ADAD1: variants seen among roughly 807,000 people sequenced by gnomAD.
ADAD1 encodes adenosine deaminase domain-containing protein 1.
In ADAD1, 46 loss-of-function variants were observed where a neutral mutation model predicts 66.8. The observed-to-expected ratio is 0.69, with a 90% CI of 0.54 to 0.88. The LOEUF is 0.88. ADAD1 is among the 40% of genes least tolerant of loss of function. The pLI is 0.00. For missense variants in ADAD1, 617 were observed against 681.8 expected (o/e 0.91, Z 1.06); for synonymous variants, 248 against 229.4 (o/e 1.08, Z -0.73).
chr4:122,417,337 T>TAAAA (rs78147212), intron 11 of ADAD1, among the ~76,000 whole-genome samples: 1 of 94,054 alleles, frequency 1.1e-5, no homozygotes, highest in Non-Finnish European at 2.3e-5. Context: ...CCTCCATCTT[T>TAAAA]AAAAAAAAAA....
At position 122,393,622 on chromosome 4, in the gene ADAD1, T is replaced by TATCTGAACTAGCATATGTTTC; in HGVS notation, c.565_585dup (p.Ser189_Ser195dup). The TATCTGAACTAGCATATGTTTC allele has an allele frequency of 6.2e-7, 1 of 1,603,124 alleles. No individual in the cohort carries two copies. Among genetic ancestry groups the TATCTGAACTAGCATATGTTTC allele is most frequent in the African/African-American group, 1.3e-5 (1 of 74,498 alleles). On this transcript the variant is annotated inframe_insertion, in exon 6 of 13. Coordinates refer to ENST00000296513, the MANE Select transcript of ADAD1 (RefSeq NM_139243.4). ...CCTTTCCCTGCAGAACCTGTTGTTT[T>TATCTGAACTAGCATATGTTTC]ATCTGAACTAGCATATGTTTCAAAA...
rs80340016 is a variant in ADAD1, at chr4:122,406,364, A to G, written c.725-1544A>G. ...TATACCTGTTTGTATGTCTTCTATA[A>G]AAGAAAATGTCTGTTCAGGTTCTGT... On this transcript the variant is annotated intron_variant, in intron 7 of 12. Transcript: ENST00000296513. Among the ~76,000 whole-genome samples, 37 of 152,264 alleles carry G rather than the reference A, an allele frequency of 2.4e-4. No individual in the cohort carries two copies. In the East Asian group the frequency reaches 6.8e-3, roughly 28 times the overall value.
chr4:122,393,454 A>G (rs1795549989), intron 5 of ADAD1, 135 bp from the exon 6 acceptor site: 2 of 576,548 alleles, frequency 3.5e-6, no homozygotes, highest in East Asian at 3.0e-5. Flanking sequence ...GCTAATGAGT[A>G]TTTGATGGCC....
intron 11 of ADAD1, among the ~76,000 whole-genome samples, chr4:122,417,801 A>G (rs1452217030): frequency 6.6e-6 from 1 of 152,232 alleles, no homozygotes; most frequent in Admixed American, 6.5e-5. Flanking sequence ...GAAGCAATGT[A>G]GACATATTCT....
intron 10 of ADAD1, among the ~76,000 whole-genome samples, chr4:122,413,143 A>T (rs1405957998): frequency 6.6e-6 from 1 of 151,980 alleles, no homozygotes; most frequent in Non-Finnish European, 1.5e-5. Flanking sequence ...TCAGAGAAAA[A>T]CCTTGGTTGT....
intron 5 of ADAD1, among the ~76,000 whole-genome samples, chr4:122,384,389 TAA>T (rs1181031813): frequency 6.6e-6 from 1 of 152,176 alleles, no homozygotes; most frequent in Non-Finnish European, 1.5e-5. Flanking sequence ...GCAAATAGGT[TAA>T]GTGTGTGAAC....
chr4:122,429,452 C>T (rs1797417145), intron 12 of ADAD1, among the ~76,000 whole-genome samples, 174 bp from the exon 13 acceptor site: 1 of 151,230 alleles, frequency 6.6e-6, no homozygotes, highest in Non-Finnish European at 1.5e-5. Flanking sequence ...AATAATTGCT[C>T]TTTAGGAGTG....
chr4:122,412,249 T>A (rs1036071655), intron 9 of ADAD1, among the ~76,000 whole-genome samples: 5 of 152,184 alleles, frequency 3.3e-5, no homozygotes, highest in Non-Finnish European at 7.4e-5. Context: ...TTTGTAATTT[T>A]AAAAAATTTT....
chr4:122,384,278 G>A (rs1795051851), intron 5 of ADAD1, among the ~76,000 whole-genome samples: 2 of 152,150 alleles, frequency 1.3e-5, no homozygotes, highest in East Asian at 3.9e-4. Context: ...ATGTAATACT[G>A]TACATTTAAT....
At chr4:122,425,649 A>T (rs1350947572) in intron 12 of ADAD1, among the ~76,000 whole-genome samples, 8 of 151,906 alleles carry the variant, frequency 5.3e-5, no homozygotes, top group African/African-American at 9.7e-5. Flanking sequence ...AATAAAATAC[A>T]GTATAACAAC....
chr4:122,385,457 G>C (rs1176137792), intron 5 of ADAD1, among the ~76,000 whole-genome samples: 3 of 152,090 alleles, frequency 2.0e-5, no homozygotes, highest in Admixed American at 1.3e-4. Flanking sequence ...ATTTTTAGTA[G>C]AGATGGGGTT....
At chr4:122,402,677 C>G (rs1796032957) in intron 7 of ADAD1, among the ~76,000 whole-genome samples, 2 of 151,904 alleles carry the variant, frequency 1.3e-5, no homozygotes. Context: ...TTCTTGGAGG[C>G]TTTGTTCATT....
chr4:122,379,143 C>G (rs1178469731), intron 1 of ADAD1, 28 bp downstream of exon 1: 1 of 152,360 alleles, frequency 6.6e-6, no homozygotes. Context: ...TTCAACCGCT[C>G]TGGGGAAGGA....
chr4:122,396,391 T>C lies in ADAD1; in HGVS notation c.724+14T>C, dbSNP rs763877651. On this transcript the variant is annotated intron_variant, in intron 7 of 12. Transcript: ENST00000296513. ...TAATTGAAAGAGGTAAGTCCACATA[T>C]TTGGGAAAAACTAATATTGTAATAA... 2 of 1,556,320 alleles carry C rather than the reference T, an allele frequency of 1.3e-6. No homozygotes were observed. The highest frequency in any genetic ancestry group is 2.3e-5 in the East Asian group (1 of 43,284).
chr4:122,401,756 T>C (rs2150564713), intron 7 of ADAD1, among the ~76,000 whole-genome samples: 1 of 152,274 alleles, frequency 6.6e-6, no homozygotes, highest in East Asian at 1.9e-4. Context: ...TGTCCCTCTG[T>C]GTCTTTTTTA....
At chr4:122,384,048 GT>G (rs1795040699) in intron 5 of ADAD1, 82 bp downstream of exon 5, 2 of 1,255,308 alleles carry the variant, frequency 1.6e-6, no homozygotes, top group African/African-American at 3.0e-5. Context: ...GTTAATGAGA[GT>G]TACTTGGCAG....
At chr4:122,419,521 G>C (rs1204784982) in intron 11 of ADAD1, among the ~76,000 whole-genome samples, 3 of 152,108 alleles carry the variant, frequency 2.0e-5, no homozygotes, top group Admixed American at 6.6e-5. Context: ...ATGTACCCCT[G>C]AACTTAAAAG....
chr4:122,414,606 T>C (rs910547040), intron 10 of ADAD1, among the ~76,000 whole-genome samples: 1 of 152,110 alleles, frequency 6.6e-6, no homozygotes, highest in Admixed American at 6.5e-5. Context: ...ATCTCAACAA[T>C]TTTAATCATA....
In ADAD1 at chr4:122,412,644, G is replaced by C; in HGVS notation, c.1084G>C (p.Val362Leu). ...TGAAGAACTCTGTCTCCACGTGGCT[G>C]TTGAAGGCAAAATTTATCTGACTGT... is the stretch of plus-strand genomic sequence containing the variant. Reference protein sequence around the residue: ...ANEELCLHVAVEGKIYLTVYC... With the variant: ...ANEELCLHVALEGKIYLTVYC... Residue 362 changes from valine (V) to leucine (L), a missense_variant, in exon 10 of 13, where the codon GTT becomes CTT. Physicochemically the swap from Val to Leu is conservative, Grantham distance 32. Coordinates refer to ENST00000296513, the MANE Select transcript of ADAD1 (RefSeq NM_139243.4). 1 of 1,613,896 alleles carries C rather than the reference G, an allele frequency of 6.2e-7. No individual in the cohort carries two copies. Among genetic ancestry groups the C allele is most frequent in the Non-Finnish European group, 8.5e-7 (1 of 1,179,802 alleles).
Sources: gnomAD v4.1 joint callset for allele counts (sites outside exome capture counted in the v4.1 genomes callset) on GRCh38, gnomAD v4.1.1 for gene constraint, MANE v1.5 for transcripts, NCBI Gene and HGNC (gene_info 2026-07-23, HGNC 2026-07-21) for gene names.